Variants in ANGPT1 observed in about 807,000 individuals in gnomAD.
ANGPT1 encodes the protein angiopoietin-1.
In ANGPT1, 17 loss-of-function variants were observed where a neutral mutation model predicts 62.2. The ratio of observed to expected loss-of-function variants is 0.27; its 90% CI spans 0.19 to 0.41. ANGPT1 has a LOEUF of 0.41. Ranked by LOEUF, ANGPT1 falls within the 10% of genes least tolerant of loss-of-function variation. ANGPT1 has a pLI of 1.00. For missense variants in ANGPT1, 478 were observed against 594.9 expected (o/e 0.80, Z 2.04); for synonymous variants, 199 against 198.9 (o/e 1.00, Z 0.00).
intron 1 of ANGPT1, among the ~76,000 whole-genome samples, chr8:107,447,030 C>T (rs1479504246): frequency 6.6e-6 from 1 of 152,160 alleles, no homozygotes; most frequent in Non-Finnish European, 1.5e-5. Flanking sequence ...TTCTGTTCCT[C>T]TCTCATAGCC....
rs183243398 is a variant in ANGPT1, at chr8:107,307,760, C to A, written c.809-4393G>T. On this transcript the variant is annotated intron_variant, in intron 4 of 8. Transcript: ENST00000517746. The stretch of plus-strand genomic sequence containing the variant: ...GCAAACTATCTATCATGGCTTCCAA[C>A]TGCGGCACAAAAGATTTCTAATATA... 5.3e-5 allele frequency among the ~76,000 whole-genome samples: 8 copies of A among 152,240 alleles called. No homozygotes were observed. The East Asian group carries it at 1.5e-3, about 29-fold the overall frequency.
rs1208486734 is a variant in ANGPT1, at chr8:107,320,090, GAACA to G, written c.808+1802_808+1805del. Among the ~76,000 whole-genome samples the G allele has an allele frequency of 3.3e-5, 5 of 152,048 alleles. No individual in the cohort carries two copies. In the East Asian group the frequency reaches 9.6e-4, roughly 29 times the overall value. On this transcript the variant is annotated intron_variant, in intron 4 of 8. Coordinates refer to ENST00000517746, the MANE Select transcript of ANGPT1 (RefSeq NM_001146.5). ...CTATTTTTGGATATACTACATCATA[GAACA>G]GACACAGTTACTTTTTTCACTTCCT...
intron 7 of ANGPT1, among the ~76,000 whole-genome samples, chr8:107,267,213 T>C (rs1449870495): frequency 1.3e-5 from 2 of 152,134 alleles, no homozygotes; most frequent in Admixed American, 6.6e-5. Context: ...AATTATACTT[T>C]ACATGTTTCT....
intron 3 of ANGPT1, among the ~76,000 whole-genome samples, chr8:107,334,594 G>A (rs1815517726): frequency 6.6e-6 from 1 of 151,840 alleles, no homozygotes; most frequent in South Asian, 2.1e-4. Context: ...ACCAAACGAC[G>A]ACTCAGAAAA....
intron 1 of ANGPT1, among the ~76,000 whole-genome samples, chr8:107,385,902 T>C (rs1816723256): frequency 6.6e-6 from 1 of 152,086 alleles, no homozygotes; most frequent in Non-Finnish European, 1.5e-5. Context: ...AGGTTTTTGT[T>C]TTCAGTTCTG....
intron 1 of ANGPT1, among the ~76,000 whole-genome samples, chr8:107,381,632 G>A (rs560262229): frequency 3.3e-5 from 5 of 152,256 alleles, no homozygotes; most frequent in African/African-American, 1.2e-4. Flanking sequence ...CAAACTGAGA[G>A]CATCCTGAGA....
rs1365485555 is a variant in ANGPT1, at chr8:107,431,310, G to A, written c.297+65952C>T. Among the ~76,000 whole-genome samples the A allele has an allele frequency of 2.0e-5, 3 of 152,212 alleles. No individual in the cohort carries two copies. In the East Asian group the frequency reaches 5.8e-4, roughly 29 times the overall value. ...GCAAAAACACAGATTTTGGTTGGAA[G>A]TCACTTGTCGTGTTGCCCATTACAA... On this transcript the variant is annotated intron_variant, in intron 1 of 8. Coordinates refer to ENST00000517746, the MANE Select transcript of ANGPT1 (RefSeq NM_001146.5).
At chr8:107,450,705 GGTGT>G (rs140884696) in intron 1 of ANGPT1, among the ~76,000 whole-genome samples, 4 of 142,388 alleles carry the variant, frequency 2.8e-5, no homozygotes, top group East Asian at 4.0e-4. Flanking sequence ...AATGGGAATA[GGTGT>G]GTGTGTGTGT....
chr8:107,293,904 A>T (rs772429731), intron 6 of ANGPT1, 32 bp downstream of exon 6: 3 of 1,560,368 alleles, frequency 1.9e-6, no homozygotes, highest in Non-Finnish European at 2.6e-6. Flanking sequence ...AAGATAAAAC[A>T]CCAAAAAGCA....
intron 1 of ANGPT1, among the ~76,000 whole-genome samples, chr8:107,471,952 T>C (rs1812369281): frequency 6.6e-6 from 1 of 152,104 alleles, no homozygotes; most frequent in Admixed American, 6.6e-5. Context: ...TGATGTTATT[T>C]TTTGGTCCAT....
intron 1 of ANGPT1, among the ~76,000 whole-genome samples, chr8:107,349,164 A>AGATAGATCGATC: frequency 6.6e-6 from 1 of 152,022 alleles, no homozygotes; most frequent in South Asian, 2.1e-4. Context: ...ATAGATAGAT[A>AGATAGATCGATC]GATCTATGTA....
chr8:107,408,782 T>C (rs1011495102), intron 1 of ANGPT1, among the ~76,000 whole-genome samples: 1 of 152,218 alleles, frequency 6.6e-6, no homozygotes. Context: ...ACAATGAGGC[T>C]TTAGAGGCTT....
At chr8:107,471,974 G>A (rs909560330) in intron 1 of ANGPT1, among the ~76,000 whole-genome samples, 2 of 151,920 alleles carry the variant, frequency 1.3e-5, no homozygotes, top group African/African-American at 4.8e-5. Flanking sequence ...ATCCCATCCA[G>A]AATACCACAC....
chr8:107,303,183 C>T (rs1342981027), intron 5 of ANGPT1, 57 bp downstream of exon 5: 7 of 1,581,018 alleles, frequency 4.4e-6, no homozygotes, highest in Middle Eastern at 1.7e-4. Context: ...ATCTGATTAT[C>T]CAGCAATTCA....
chr8:107,484,567 G>C (rs1248972805), intron 1 of ANGPT1, among the ~76,000 whole-genome samples: 2 of 151,936 alleles, frequency 1.3e-5, no homozygotes, highest in Non-Finnish European at 2.9e-5. Context: ...CACCATGCCA[G>C]GCTAATTCTT....
chr8:107,424,273 T>C (rs951303844), intron 1 of ANGPT1, among the ~76,000 whole-genome samples: 1 of 152,152 alleles, frequency 6.6e-6, no homozygotes, highest in Non-Finnish European at 1.5e-5. Context: ...AAGCAGACAA[T>C]TGGAAATTCA....
At chr8:107,487,465 A>C (rs1812844213) in intron 1 of ANGPT1, among the ~76,000 whole-genome samples, 2 of 152,084 alleles carry the variant, frequency 1.3e-5, no homozygotes, top group South Asian at 4.2e-4. Context: ...ACAATAAGAA[A>C]GTTAATAATA....
At chr8:107,319,042 T>C (rs1815088435) in intron 4 of ANGPT1, among the ~76,000 whole-genome samples, 1 of 152,218 alleles carries the variant, frequency 6.6e-6, no homozygotes, top group Non-Finnish European at 1.5e-5. Flanking sequence ...GAGGAAGTTT[T>C]GCTTATAAAG....
chr8:107,260,923 T>C (rs1586166696), intron 8 of ANGPT1, among the ~76,000 whole-genome samples: 3 of 152,302 alleles, frequency 2.0e-5, no homozygotes, highest in South Asian at 2.1e-4. Context: ...GCAGTGAAGT[T>C]TTCTCATTGA....
Sources: gnomAD v4.1 joint callset for allele counts (sites outside exome capture counted in the v4.1 genomes callset) on GRCh38, gnomAD v4.1.1 for gene constraint, MANE v1.5 for transcripts, NCBI Gene and HGNC (gene_info 2026-07-23, HGNC 2026-07-21) for gene names.